The following OTOGL variants were observed in gnomAD, a reference collection of about 807,000 sequenced individuals.
OTOGL encodes otogelin like.
A neutral mutation model predicts 318.5 loss-of-function variants in OTOGL; 285 were observed. The ratio of observed to expected loss-of-function variants is 0.89; its 90% CI spans 0.81 to 0.99. The LOEUF is 0.99. OTOGL is among the 50% of genes least tolerant of loss of function. The probability of loss-of-function intolerance (pLI) is 0.00; values close to 1 mark genes in which losing one functional copy is unlikely to be tolerated. For missense variants in OTOGL, 2,899 were observed against 2,845.6 expected (o/e 1.02, Z -0.43); for synonymous variants, 987 against 936.5 (o/e 1.05, Z -0.99).
chr12:80,215,996 C>T (rs992575991), intron 4 of OTOGL, among the ~76,000 whole-genome samples: 1 of 152,098 alleles, frequency 6.6e-6, no homozygotes, highest in Non-Finnish European at 1.5e-5. Flanking sequence ...AGAAAGAAAT[C>T]TTCAAATAGT....
chr12:80,376,986 T>A, intron 57 of OTOGL, 137 bp from the exon 58 acceptor site: 2 of 515,536 alleles, frequency 3.9e-6, no homozygotes, highest in Non-Finnish European at 6.5e-6. Context: ...AAGAGAGAAG[T>A]TTTAAATATC....
chr12:80,312,356 T>G (rs1370066724), intron 30 of OTOGL, among the ~76,000 whole-genome samples: 1 of 152,180 alleles, frequency 6.6e-6, no homozygotes, highest in African/African-American at 2.4e-5. Flanking sequence ...TGTAAAACAG[T>G]GCACTCTTTT....
chr12:80,330,654 A>G (rs1229659441), intron 37 of OTOGL, among the ~76,000 whole-genome samples: 1 of 152,196 alleles, frequency 6.6e-6, no homozygotes, highest in Non-Finnish European at 1.5e-5. Flanking sequence ...AATACAAACT[A>G]TATTTCATTA....
chr12:80,233,878 C>A (rs1035315549), intron 9 of OTOGL, among the ~76,000 whole-genome samples: 3 of 152,148 alleles, frequency 2.0e-5, no homozygotes, highest in African/African-American at 7.2e-5. Context: ...TGCTTAGTTT[C>A]TTCAGCTGTA....
chr12:80,234,273 C>T (rs1035769129), intron 9 of OTOGL, among the ~76,000 whole-genome samples: 1 of 152,112 alleles, frequency 6.6e-6, no homozygotes, highest in Non-Finnish European at 1.5e-5. Flanking sequence ...CAATGTAACA[C>T]AGCTTGTAAC....
At chr12:80,211,353 G>C (rs1877238700) in intron 3 of OTOGL, among the ~76,000 whole-genome samples, 1 of 151,946 alleles carries the variant, frequency 6.6e-6, no homozygotes. Flanking sequence ...AAACTGATCT[G>C]CTTAATGAAA....
At chr12:80,265,405 A>C (rs1345582300) in intron 20 of OTOGL, 195 bp downstream of exon 20, 1 of 635,178 alleles carries the variant, frequency 1.6e-6, no homozygotes, top group East Asian at 2.8e-5. Context: ...AAGACCAATA[A>C]CTTTTGACTA....
Position 80,350,031 on chromosome 12 carries a change from A to G in OTOGL, c.5266-2264A>G, listed in dbSNP as rs141387669. On this transcript the variant is annotated intron_variant, in intron 44 of 58. Coordinates refer to ENST00000547103, the MANE Select transcript of OTOGL (RefSeq NM_001378609.3). The stretch of plus-strand genomic sequence containing the variant: ...AGATCTCTTGGACTTCTGCCCATCA[A>G]ACTGAAATTCTGTACCCTTTAACAA... 7.5e-4 allele frequency among the ~76,000 whole-genome samples: 114 copies of G among 152,308 alleles called. 2 individuals carry two copies. Among genetic ancestry groups the G allele is most frequent in the African/African-American group, 2.5e-3 (106 of 41,572 alleles).
chr12:80,305,280 T>A (rs1886034000), intron 28 of OTOGL, among the ~76,000 whole-genome samples: 1 of 152,216 alleles, frequency 6.6e-6, no homozygotes, highest in African/African-American at 2.4e-5. Flanking sequence ...CTGTCTTGTT[T>A]GAATTATACT....
intron 29 of OTOGL, among the ~76,000 whole-genome samples, chr12:80,306,768 ATTTCT>A (rs1886133781): frequency 6.0e-5 from 2 of 33,178 alleles, no homozygotes; most frequent in South Asian, 1.2e-3. Context: ...AGAAGTAACT[ATTTCT>A]TTTTTTTTTT....
intron 32 of OTOGL, 127 bp downstream of exon 32, chr12:80,314,458 A>C: frequency 3.2e-6 from 1 of 314,426 alleles, no homozygotes; most frequent in Non-Finnish European, 5.8e-6. Context: ...AACTCCATAA[A>C]AGCTTTTAAT....
intron 1 of OTOGL, among the ~76,000 whole-genome samples, chr12:80,198,617 T>G (rs1426868337): frequency 1.3e-5 from 2 of 151,770 alleles, no homozygotes; most frequent in African/African-American, 4.8e-5. Flanking sequence ...ACAACCTGTA[T>G]CCTTCTAAAT....
Position 80,186,052 on chromosome 12 carries a change from CT to C in OTOGL, c.-19-23357del, listed in dbSNP as rs869051100. Among the ~76,000 whole-genome samples, 36 of 18,464 alleles carry C rather than the reference CT, an allele frequency of 1.9e-3. No individual in the cohort carries two copies. The African/African-American group carries it at 0.022, about 11-fold the overall frequency. The allele number at this position is 18,464 out of a possible 152,430, so 12.1% of individuals were successfully genotyped here. On this transcript the variant is annotated intron_variant, in intron 1 of 58. Coordinates refer to ENST00000547103, the MANE Select transcript of OTOGL (RefSeq NM_001378609.3). ...GCTTTCAGGTAAGCATTTAGGGCTT[CT>C]TTTCCAAGGGTGTCCTTAAAGTCAT...
At chr12:80,189,702 C>T (rs919943675) in intron 1 of OTOGL, among the ~76,000 whole-genome samples, 6 of 152,130 alleles carry the variant, frequency 3.9e-5, no homozygotes, top group East Asian at 1.9e-4. Context: ...CAAGATAAAT[C>T]GAAATATGCA....
At chr12:80,372,619 T>C (rs1332495783) in intron 57 of OTOGL, among the ~76,000 whole-genome samples, 2 of 152,258 alleles carry the variant, frequency 1.3e-5, no homozygotes, top group South Asian at 2.1e-4. Flanking sequence ...TCATAATTAT[T>C]TTCATAATTA....
chr12:80,325,168 G>A (rs1325721540), intron 35 of OTOGL, among the ~76,000 whole-genome samples: 1 of 152,024 alleles, frequency 6.6e-6, no homozygotes. Flanking sequence ...GTTGCCAATA[G>A]GTAAGATCCA....
chr12:80,243,715 T>A (rs1419374895), intron 11 of OTOGL, among the ~76,000 whole-genome samples: 1 of 150,822 alleles, frequency 6.6e-6, no homozygotes, highest in Non-Finnish European at 1.5e-5. Flanking sequence ...TTTCTACACC[T>A]AATTTGAAAT....
intron 32 of OTOGL, among the ~76,000 whole-genome samples, chr12:80,315,994 C>G (rs1886948067): frequency 6.8e-6 from 1 of 147,426 alleles, no homozygotes; most frequent in Non-Finnish European, 1.5e-5. Flanking sequence ...ACTGCTTTCT[C>G]TAGATCATAT....
At chr12:80,336,277 C>A in intron 39 of OTOGL, 136 bp from the exon 40 acceptor site, 1 of 1,339,980 alleles carries the variant, frequency 7.5e-7, no homozygotes, top group Non-Finnish European at 9.8e-7. Flanking sequence ...ATGATTTTGG[C>A]TCACAGTATA....
Sources: allele counts gnomAD v4.1 joint callset (sites outside exome capture counted in the v4.1 genomes callset), GRCh38; gene constraint gnomAD v4.1.1; transcripts MANE v1.5; gene names NCBI Gene and HGNC (gene_info 2026-07-23, HGNC 2026-07-21).